SHROOM3: variants seen among roughly 807,000 people sequenced by gnomAD.
SHROOM3 encodes shroom family member 3.
Under a neutral mutation model 138.6 loss-of-function variants are expected in SHROOM3, and 47 were observed. That is an observed-to-expected ratio of 0.34 (90% CI 0.27 to 0.43). The LOEUF is 0.43. Among genes scored for constraint, SHROOM3 ranks in the 20% least tolerant of loss-of-function variants. SHROOM3 has a pLI of 1.00. For missense variants in SHROOM3, 2,491 were observed against 2,596.5 expected (o/e 0.96, Z 0.88); for synonymous variants, 1,062 against 1,063.3 (o/e 1.00, Z 0.02).
intron 1 of SHROOM3, among the ~76,000 whole-genome samples, chr4:76,472,734 G>A (rs1039344330): frequency 2.7e-5 from 4 of 150,562 alleles, no homozygotes; most frequent in South Asian, 2.1e-4. Context: ...TCCCTCTGTC[G>A]CCCACGCTGG....
At chr4:76,658,744 A>G (rs1736120781) in intron 2 of SHROOM3, among the ~76,000 whole-genome samples, 1 of 152,096 alleles carries the variant, frequency 6.6e-6, no homozygotes, top group Non-Finnish European at 1.5e-5. Context: ...TAACTAACAT[A>G]GGTACCTTTG....
chr4:76,564,498 A>G (rs1214492079), intron 2 of SHROOM3, among the ~76,000 whole-genome samples: 1 of 152,158 alleles, frequency 6.6e-6, no homozygotes, highest in African/African-American at 2.4e-5. Flanking sequence ...ATGTCACTGT[A>G]TAGAAGTATA....
chr4:76,606,369 A>C (rs1734621019), intron 2 of SHROOM3, among the ~76,000 whole-genome samples: 1 of 151,520 alleles, frequency 6.6e-6, no homozygotes, highest in Non-Finnish European at 1.5e-5. Flanking sequence ...GCTGCTTACC[A>C]GTGTGGTGCA....
At chr4:76,596,047 C>T (rs1034353972) in intron 2 of SHROOM3, among the ~76,000 whole-genome samples, 1 of 151,876 alleles carries the variant, frequency 6.6e-6, no homozygotes, top group African/African-American at 2.4e-5. Flanking sequence ...AAAGTGAGGT[C>T]TTTTTTTTCA....
chr4:76,763,408 C>A (rs1475986900), intron 9 of SHROOM3, among the ~76,000 whole-genome samples: 1 of 150,964 alleles, frequency 6.6e-6, no homozygotes, highest in Non-Finnish European at 1.5e-5. Flanking sequence ...AATTAAAAAA[C>A]TAAAAAATTA....
At chr4:76,628,916 C>A (rs1312002450) in intron 2 of SHROOM3, 1 of 152,086 alleles carries the variant, frequency 6.6e-6, no homozygotes, top group Non-Finnish European at 1.5e-5. Context: ...TCTTGACTCA[C>A]CGCAGCTTGG....
At position 76,510,845 on chromosome 4, in the gene SHROOM3, G is replaced by A. The variant is rs552914839; in HGVS notation, c.169-44764G>A. Reference sequence around the variant, plus strand: ...GGTTCCCTCATCAGTGAAGTGAAGGGAGCTGGACTAGAGAATTTCTAAGAT... The same window carrying A: ...GGTTCCCTCATCAGTGAAGTGAAGGAAGCTGGACTAGAGAATTTCTAAGAT... On this transcript the variant is annotated intron_variant, in intron 1 of 10. Coordinates refer to ENST00000296043, the MANE Select transcript of SHROOM3 (RefSeq NM_020859.4). Among the ~76,000 whole-genome samples, 4 of 152,252 alleles carry A rather than the reference G, an allele frequency of 2.6e-5. No individual in the cohort carries two copies. In the South Asian group the frequency reaches 8.3e-4, roughly 32 times the overall value.
intron 2 of SHROOM3, among the ~76,000 whole-genome samples, chr4:76,557,226 T>TACACACACACACACACACACACACAC (rs35294663): frequency 7.0e-6 from 1 of 141,920 alleles, no homozygotes; most frequent in Non-Finnish European, 1.5e-5. Flanking sequence ...TGTTTATGTA[T>TACACACACACACACACACACACACAC]ACACACACAC....
At chr4:76,446,779 C>T (rs1220415533) in intron 1 of SHROOM3, among the ~76,000 whole-genome samples, 2 of 152,210 alleles carry the variant, frequency 1.3e-5, no homozygotes, top group African/African-American at 4.8e-5. Context: ...CTGGGCACCA[C>T]AACTGATGGT....
intron 2 of SHROOM3, among the ~76,000 whole-genome samples, chr4:76,608,151 A>C (rs914127901): frequency 6.6e-6 from 1 of 152,164 alleles, no homozygotes; most frequent in African/African-American, 2.4e-5. Context: ...GACTGAATAG[A>C]GCTGCTATTG....
intron 1 of SHROOM3, among the ~76,000 whole-genome samples, chr4:76,463,253 G>T (rs1380726306): frequency 6.6e-6 from 1 of 152,180 alleles, no homozygotes; most frequent in Non-Finnish European, 1.5e-5. Context: ...AAAGAGGCTG[G>T]TGGCATTGTG....
chr4:76,770,945 A>G (rs1722338998), intron 10 of SHROOM3, 47 bp downstream of exon 10: 2 of 1,611,554 alleles, frequency 1.2e-6, no homozygotes, highest in South Asian at 1.1e-5. Context: ...CTCAAAGCCC[A>G]CATACATAGA....
intron 3 of SHROOM3, among the ~76,000 whole-genome samples, chr4:76,715,749 G>C (rs954734096): frequency 6.6e-6 from 1 of 152,184 alleles, no homozygotes; most frequent in Non-Finnish European, 1.5e-5. Context: ...TGAACAGCAA[G>C]GTTAGTTCTG....
intron 10 of SHROOM3, among the ~76,000 whole-genome samples, chr4:76,775,909 G>A (rs1722548959): frequency 6.6e-6 from 1 of 150,588 alleles, no homozygotes; most frequent in African/African-American, 2.4e-5. Flanking sequence ...TCCCTTTTTT[G>A]CAGTTGCAAA....
intron 9 of SHROOM3, among the ~76,000 whole-genome samples, chr4:76,766,378 T>C (rs895706306): frequency 1.3e-5 from 2 of 152,222 alleles, no homozygotes; most frequent in African/African-American, 4.8e-5. Context: ...TGTCCAGTGT[T>C]CATCCTGCTG....
At chr4:76,698,824 C>G (rs571283688) in intron 2 of SHROOM3, among the ~76,000 whole-genome samples, 1 of 152,360 alleles carries the variant, frequency 6.6e-6, no homozygotes, top group African/African-American at 2.4e-5. Flanking sequence ...ACACCACTCA[C>G]TGGGTCCTCT....
chr4:76,465,996 A>G (rs1429651221), intron 1 of SHROOM3, among the ~76,000 whole-genome samples: 1 of 152,238 alleles, frequency 6.6e-6, no homozygotes, highest in Non-Finnish European at 1.5e-5. Context: ...AATTCCCAGG[A>G]TTGAGGACAA....
chr4:76,758,390 T>G (rs546444360), intron 8 of SHROOM3: 1 of 152,118 alleles, frequency 6.6e-6, no homozygotes, highest in African/African-American at 2.4e-5. Flanking sequence ...AAATATATGT[T>G]TGCTCCGTCA....
At chr4:76,466,103 T>G (rs1731244691) in intron 1 of SHROOM3, among the ~76,000 whole-genome samples, 1 of 152,256 alleles carries the variant, frequency 6.6e-6, no homozygotes, top group Non-Finnish European at 1.5e-5. Context: ...AGTGTTAATG[T>G]GTCAAAAATG....
Sources: gnomAD v4.1 joint callset for allele counts (sites outside exome capture counted in the v4.1 genomes callset) on GRCh38, gnomAD v4.1.1 for gene constraint, MANE v1.5 for transcripts, NCBI Gene and HGNC (gene_info 2026-07-23, HGNC 2026-07-21) for gene names.